COPS3: variants seen among roughly 807,000 people sequenced by gnomAD.
COPS3 encodes the protein COP9 signalosome complex subunit 3.
COPS3 carries 10 observed loss-of-function variants against 58.2 expected under a neutral mutation model. The observed-to-expected ratio is 0.17, with a 90% CI of 0.11 to 0.29. COPS3 has a LOEUF of 0.29. Ranked by LOEUF, COPS3 falls within the 10% of genes least tolerant of loss-of-function variation. The pLI, the probability that COPS3 is intolerant of heterozygous loss-of-function variation, is 1.00. For synonymous variants in COPS3, 187 were observed against 181.7 expected (o/e 1.03, Z -0.24); for missense variants, 333 against 510.1 (o/e 0.65, Z 3.34).
At chr17:17,268,255 T>G (rs1465216668) in intron 4 of COPS3, among the ~76,000 whole-genome samples, 1 of 152,138 alleles carries the variant, frequency 6.6e-6, no homozygotes, top group African/African-American at 2.4e-5. Flanking sequence ...ACAGTATTAC[T>G]TTCTCAACAG....
In COPS3 at chr17:17,270,775, G is replaced by C; in HGVS notation, c.331C>G (p.Leu111Val). The change falls in exon 4 of 12, where the codon CTT (leucine) becomes GTT (valine). Residue 111 changes from leucine (L) to valine (V), a missense_variant. Physicochemically the swap from Leu to Val is conservative, Grantham distance 32. Coordinates refer to ENST00000268717, the MANE Select transcript of COPS3 (RefSeq NM_003653.4). ...TTTCTTACCTGTTTTCTTTCCACAA[G>C]TGCATTTGTTAGCTGATGGCAAAGC... ...AGLCHQLTNA[L>V]VERKQPLRGI... is the part of the protein sequence containing the mutation. 6.3e-7 allele frequency: 1 copy of C among 1,596,614 alleles called. No homozygotes were observed. Among genetic ancestry groups the C allele is most frequent in the Non-Finnish European group, 8.5e-7 (1 of 1,169,862 alleles).
chr17:17,250,752 G>C (rs1277623540), intron 9 of COPS3, among the ~76,000 whole-genome samples: 1 of 152,172 alleles, frequency 6.6e-6, no homozygotes. Flanking sequence ...TTGTCCATTT[G>C]TTAGCAGTGA....
At chr17:17,261,900 T>C in intron 7 of COPS3, 66 bp downstream of exon 7, 1 of 1,388,778 alleles carries the variant, frequency 7.2e-7, no homozygotes, top group Non-Finnish European at 9.9e-7. Context: ...CAGAACTGTA[T>C]CATTGCAATT....
chr17:17,278,608 A>G (rs759684476), intron 1 of COPS3, among the ~76,000 whole-genome samples: 9 of 152,220 alleles, frequency 5.9e-5, no homozygotes, highest in Non-Finnish European at 1.2e-4. Flanking sequence ...AGTAACTTCT[A>G]GTTGAATAAT....
intron 9 of COPS3, among the ~76,000 whole-genome samples, 175 bp from the exon 10 acceptor site, chr17:17,249,214 A>G (rs1447417803): frequency 6.6e-6 from 1 of 152,252 alleles, no homozygotes; most frequent in Admixed American, 6.6e-5. Context: ...ACTATTTGCT[A>G]GGCACCATTA....
At chr17:17,270,729 A>T (rs745672282) in intron 4 of COPS3, 29 bp downstream of exon 4, 1 of 1,550,742 alleles carries the variant, frequency 6.4e-7, no homozygotes. Flanking sequence ...TTATAACAAA[A>T]CTAGGAATAC....
chr17:17,265,002 A>T (rs7219012), intron 5 of COPS3, 21 bp from the exon 6 acceptor site: 232,532 of 1,594,684 alleles, frequency 0.15, 17,911 homozygotes, highest in South Asian at 0.23. Flanking sequence ...ATTGATATTA[A>T]ATCATCACTT....
chr17:17,247,420 G>A, intron 11 of COPS3, 60 bp downstream of exon 11: 1 of 1,470,146 alleles, frequency 6.8e-7, no homozygotes, highest in Non-Finnish European at 9.5e-7. Flanking sequence ...TGTGCCTGAT[G>A]TGACAACACC....
intron 2 of COPS3, among the ~76,000 whole-genome samples, chr17:17,271,473 C>G (rs1319882870): frequency 6.6e-6 from 1 of 151,356 alleles, no homozygotes; most frequent in African/African-American, 2.4e-5. Flanking sequence ...ATTTTCCTGA[C>G]CTGGTTATTT....
At chr17:17,261,156 C>G (rs1398035772) in intron 7 of COPS3, among the ~76,000 whole-genome samples, 3 of 152,212 alleles carry the variant, frequency 2.0e-5, no homozygotes, top group Non-Finnish European at 4.4e-5. Context: ...TCAAAACATT[C>G]ATCATTCCCA....
At position 17,247,463 on chromosome 17, in the gene COPS3, A is replaced by G; in HGVS notation, c.1218+17T>C. On this transcript the variant is annotated intron_variant, in intron 11 of 11. Transcript: ENST00000268717. ...CTCCACCCAGCCTACTTCTTGTAAT[A>G]AGGGAACCCTCATCACCTTTTGTAC... The G allele has an allele frequency of 6.2e-7, 1 of 1,612,466 alleles. No individual in the cohort carries two copies. The highest frequency in any genetic ancestry group is 8.5e-7 in the Non-Finnish European group (1 of 1,178,596).
intron 1 of COPS3, among the ~76,000 whole-genome samples, chr17:17,277,439 A>G (rs775058912): frequency 1.3e-5 from 2 of 152,084 alleles, no homozygotes; most frequent in Non-Finnish European, 2.9e-5. Flanking sequence ...GTTTTTTGAG[A>G]CAGGGTCTCA....
chr17:17,251,269 C>T (rs2145188763), intron 9 of COPS3, among the ~76,000 whole-genome samples: 1 of 151,780 alleles, frequency 6.6e-6, no homozygotes, highest in South Asian at 2.1e-4. Flanking sequence ...GCTGGAATTA[C>T]AGGTGTGAGC....
intron 8 of COPS3, 146 bp downstream of exon 8, chr17:17,260,155 C>G: frequency 1.3e-6 from 1 of 793,438 alleles, no homozygotes; most frequent in Non-Finnish European, 2.0e-6. Context: ...TCTAAGAAGC[C>G]AATCACAAGA....
chr17:17,252,779 T>C (rs375777674), intron 9 of COPS3, among the ~76,000 whole-genome samples: 53 of 152,348 alleles, frequency 3.5e-4, no homozygotes, highest in African/African-American at 1.2e-3. Context: ...AAAGCGTCTA[T>C]AGCTTATTCT....
intron 4 of COPS3, among the ~76,000 whole-genome samples, chr17:17,269,739 C>A (rs546225010): frequency 6.9e-4 from 105 of 152,340 alleles, no homozygotes; most frequent in African/African-American, 2.4e-3. Flanking sequence ...CCACGGTTTT[C>A]TTTTGCTATA....
At chr17:17,261,421 G>A (rs1296528218) in intron 7 of COPS3, among the ~76,000 whole-genome samples, 1 of 152,126 alleles carries the variant, frequency 6.6e-6, no homozygotes, top group African/African-American at 2.4e-5. Context: ...AGCTACTCGG[G>A]AGGCTAAGGC....
In COPS3 at chr17:17,270,727, A is replaced by G. The variant is rs533477761; in HGVS notation, c.348+31T>C. 17 of 1,548,914 alleles carry G rather than the reference A, an allele frequency of 1.1e-5. No homozygotes were observed. The South Asian group carries it at 1.8e-4, about 16-fold the overall frequency. Reference sequence around the variant, plus strand: ...TGTAAGCTAGTTACATATTATAACAAAACTAGGAATACTTGAATAGTATTT... The same window carrying G: ...TGTAAGCTAGTTACATATTATAACAGAACTAGGAATACTTGAATAGTATTT... On this transcript the variant is annotated intron_variant, in intron 4 of 11. Transcript: ENST00000268717.
At chr17:17,280,602 G>A (rs963001342) in intron 1 of COPS3, 5 of 1,302,254 alleles carry the variant, frequency 3.8e-6, no homozygotes, top group South Asian at 3.7e-5. Flanking sequence ...CATTCTGTAG[G>A]ACCAAAATAG....
Sources: allele counts gnomAD v4.1 joint callset (sites outside exome capture counted in the v4.1 genomes callset), GRCh38; gene constraint gnomAD v4.1.1; transcripts MANE v1.5; gene names NCBI Gene and HGNC (gene_info 2026-07-23, HGNC 2026-07-21).